The following FMN2 variants were observed in gnomAD, a reference collection of about 807,000 sequenced individuals.
The protein encoded by FMN2 is formin 2.
In FMN2, 51 loss-of-function variants were observed where a neutral mutation model predicts 142.3. The observed-to-expected ratio is 0.36, with a 90% confidence interval of 0.29 to 0.45. The LOEUF is 0.45. Ranked by LOEUF, FMN2 falls within the 20% of genes least tolerant of loss-of-function variation. FMN2 has a pLI of 1.00. For missense variants in FMN2, 1,936 were observed against 2,122.8 expected, an observed-to-expected ratio of 0.91 and a Z score of 1.73; for synonymous variants, 882 against 869.8, an observed-to-expected ratio of 1.01 and a Z score of -0.25.
intron 15 of FMN2, among the ~76,000 whole-genome samples, chr1:240,436,318 G>A (rs1418484463): frequency 2.3e-4 from 35 of 152,170 alleles, no homozygotes. Flanking sequence ...AATCAGTCTT[G>A]TCGTCTCTGC....
At chr1:240,237,613 T>C (rs933046013) in intron 6 of FMN2, among the ~76,000 whole-genome samples, 1 of 152,136 alleles carries the variant, frequency 6.6e-6, no homozygotes, top group Non-Finnish European at 1.5e-5. Flanking sequence ...AGTCATGGTG[T>C]GGTGACAGAA....
chr1:240,474,120 G>GT lies in FMN2; in HGVS notation c.5143-4dup. On this transcript the variant is annotated splice_polypyrimidine_tract_variant and splice_region_variant and intron_variant, in intron 17 of 17. Transcript: ENST00000319653. ...ACTAAAACTTTTATCTGGTGTATTT[G>GT]TTTTCAGAAAGCAAAGATAAGCATG... is the stretch of plus-strand genomic sequence containing the variant. 6.4e-7 allele frequency: 1 copy of GT among 1,559,930 alleles called. No individual in the cohort carries two copies. The highest frequency in any genetic ancestry group is 8.6e-7 in the Non-Finnish European group (1 of 1,161,644).
chr1:240,383,181 A>G (rs575655188), intron 14 of FMN2, among the ~76,000 whole-genome samples: 3 of 152,290 alleles, frequency 2.0e-5, no homozygotes, highest in African/African-American at 2.4e-5. Context: ...CCTAGGAAAA[A>G]TTCTTCTGGA....
At chr1:240,200,996 T>A (rs1666101856) in intron 4 of FMN2, among the ~76,000 whole-genome samples, 1 of 152,222 alleles carries the variant, frequency 6.6e-6, no homozygotes, top group Non-Finnish European at 1.5e-5. Flanking sequence ...CACTACTTCC[T>A]CTGCCATTTG....
chr1:240,266,630 GATT>G (rs1281565546), intron 7 of FMN2, among the ~76,000 whole-genome samples: 1 of 152,102 alleles, frequency 6.6e-6, no homozygotes, highest in Non-Finnish European at 1.5e-5. Context: ...CACCTAGGTT[GATT>G]CTAAATCTTT....
chr1:240,137,978 T>C (rs1014631322), intron 2 of FMN2, among the ~76,000 whole-genome samples: 6 of 142,110 alleles, frequency 4.2e-5, no homozygotes, highest in Admixed American at 3.0e-4. Flanking sequence ...GGCAGGAGAA[T>C]CCCTTGAATC....
At chr1:240,444,507 G>C (rs561619774) in intron 16 of FMN2, among the ~76,000 whole-genome samples, 5 of 151,710 alleles carry the variant, frequency 3.3e-5, no homozygotes, top group African/African-American at 1.2e-4. Flanking sequence ...ACATTAGTAA[G>C]GGTTATGTTT....
Position 240,093,201 on chromosome 1 carries a change from G to T in FMN2, c.1092G>T (p.Glu364Asp). The T allele has an allele frequency of 1.3e-6, 2 of 1,492,758 alleles. No homozygotes were observed. Among genetic ancestry groups the T allele is most frequent in the Non-Finnish European group, 1.8e-6 (2 of 1,122,766 alleles). 92.5% of individuals were successfully genotyped at this position (1,492,758 alleles called of 1,614,324 possible). Reference sequence around the variant, plus strand: ...ATGCGCCCCGGGGCTCTCCGGGGGAGGAGTGGGCCCCGGAGGTGGGAGAGG... The same window carrying T: ...ATGCGCCCCGGGGCTCTCCGGGGGATGAGTGGGCCCCGGAGGTGGGAGAGG... ...FEDAPRGSPG[E>D]EWAPEVGEDA... Residue 364 changes from glutamate (E) to aspartate (D), a missense_variant, in exon 1 of 18, where the codon GAG (glutamate) becomes GAT (aspartate). By Grantham distance (45) the Glu-to-Asp change is conservative. Around this residue, in one of 8 missense-constraint regions of FMN2, gnomAD observed 751 missense variants for 791.8 expected, o/e 0.95. Coordinates refer to ENST00000319653, the MANE Select transcript of FMN2 (RefSeq NM_020066.5).
intron 2 of FMN2, among the ~76,000 whole-genome samples, chr1:240,156,426 C>G (rs1253454866): frequency 1.3e-5 from 2 of 152,260 alleles, no homozygotes; most frequent in East Asian, 3.9e-4. Flanking sequence ...TAAGATGTCT[C>G]GGCAGAGGCA....
rs566627697 is a variant in FMN2, at chr1:240,427,975, C to G, written c.4911-10086C>G. On this transcript the variant is annotated intron_variant, in intron 15 of 17. Transcript: ENST00000319653. Reference sequence around the variant, plus strand: ...TTGTTCTCAGTTATTCCGTGAAATACTTTTTCTTTAAAGAAAAACTTTTCC... The same window carrying G: ...TTGTTCTCAGTTATTCCGTGAAATAGTTTTTCTTTAAAGAAAAACTTTTCC... Among the ~76,000 whole-genome samples the G allele has an allele frequency of 5.9e-5, 9 of 152,200 alleles. No individual in the cohort carries two copies. In the East Asian group the frequency reaches 1.7e-3, roughly 29 times the overall value.
intron 15 of FMN2, among the ~76,000 whole-genome samples, chr1:240,394,132 G>A (rs1673697620): frequency 6.6e-6 from 1 of 152,190 alleles, no homozygotes. Flanking sequence ...AATGGGTGAA[G>A]GGTCTGGCCT....
At chr1:240,415,935 C>T (rs1374303819) in intron 15 of FMN2, among the ~76,000 whole-genome samples, 3 of 152,178 alleles carry the variant, frequency 2.0e-5, no homozygotes, top group African/African-American at 7.2e-5. Flanking sequence ...CATTTCACAG[C>T]TTCTCCAGCC....
At chr1:240,113,656 G>A (rs1661907378) in intron 1 of FMN2, among the ~76,000 whole-genome samples, 1 of 151,890 alleles carries the variant, frequency 6.6e-6, no homozygotes. Context: ...TATTTAGTAG[G>A]TGAGTGTCTC....
At position 240,360,527 on chromosome 1, in the gene FMN2, T is replaced by C. The variant is rs370725696; in HGVS notation, c.4858+4619T>C. Among the ~76,000 whole-genome samples the C allele has an allele frequency of 7.9e-5, 12 of 152,310 alleles. No individual in the cohort carries two copies. In the East Asian group the frequency reaches 1.9e-3, roughly 24 times the overall value. ...CGTTTTCCTTCTGGGCTTGATTCCT[T>C]CAACAGCACTCAGATGTACTCTATC... is the stretch of plus-strand genomic sequence containing the variant. On this transcript the variant is annotated intron_variant, in intron 14 of 17. Coordinates refer to ENST00000319653, the MANE Select transcript of FMN2 (RefSeq NM_020066.5).
intron 13 of FMN2, among the ~76,000 whole-genome samples, chr1:240,345,007 A>G (rs1299793334): frequency 1.3e-5 from 2 of 152,226 alleles, no homozygotes; most frequent in Non-Finnish European, 2.9e-5. Flanking sequence ...CAAGTTTACC[A>G]TGAGATTATA....
chr1:240,259,175 C>A (rs1668543434), intron 7 of FMN2, among the ~76,000 whole-genome samples: 2 of 152,168 alleles, frequency 1.3e-5, no homozygotes, highest in Admixed American at 6.5e-5. Context: ...CTTGGTGTTT[C>A]TAAAGCTGGC....
chr1:240,129,529 T>C (rs368967228), intron 2 of FMN2, among the ~76,000 whole-genome samples: 8 of 142,384 alleles, frequency 5.6e-5, no homozygotes, highest in African/African-American at 2.2e-4. Flanking sequence ...TTTTTTGAGA[T>C]GGAGTCTCTG....
chr1:240,368,181 C>T (rs1672746650), intron 14 of FMN2, among the ~76,000 whole-genome samples: 1 of 152,110 alleles, frequency 6.6e-6, no homozygotes, highest in Non-Finnish European at 1.5e-5. Flanking sequence ...GGCTAGATTC[C>T]TACCTTCTTT....
chr1:240,436,904 A>G (rs1189319337), intron 15 of FMN2, among the ~76,000 whole-genome samples: 1 of 152,184 alleles, frequency 6.6e-6, no homozygotes, highest in Non-Finnish European at 1.5e-5. Context: ...GAGCAGAAAT[A>G]GTGCTGGCCC....
Sources: gnomAD v4.1 joint callset for allele counts (sites outside exome capture counted in the v4.1 genomes callset) on GRCh38, gnomAD v4.1.1 for gene constraint, gnomAD v4.1.1 regional missense constraint, MANE v1.5 for transcripts, NCBI Gene and HGNC (gene_info 2026-07-23, HGNC 2026-07-21) for gene names.